The following SEL1L2 variants were observed in gnomAD, a reference collection of about 807,000 sequenced individuals.
SEL1L2 encodes the protein SEL1L2 adaptor subunit of SYVN1 ubiquitin ligase, also known as protein sel-1 homolog 2.
Under a neutral mutation model 98.8 loss-of-function variants are expected in SEL1L2, and 89 were observed. The observed-to-expected ratio is 0.90, with a 90% CI of 0.76 to 1.07. The LOEUF is 1.07. Among genes scored for constraint, SEL1L2 ranks in the 50% least tolerant of loss-of-function variants. The pLI, the probability that SEL1L2 is intolerant of heterozygous loss-of-function variation, is 0.00. For synonymous variants in SEL1L2, 262 were observed against 278.5 expected, an observed-to-expected ratio of 0.94 and a Z score of 0.59; for missense variants, 788 against 812.0, an observed-to-expected ratio of 0.97 and a Z score of 0.36.
chr20:13,900,683 A>T (rs1033683008), intron 5 of SEL1L2, among the ~76,000 whole-genome samples: 1 of 152,138 alleles, frequency 6.6e-6, no homozygotes, highest in Admixed American at 6.5e-5. Flanking sequence ...CCCTCTCTAC[A>T]CGCAATGATT....
At chr20:13,902,131 C>T (rs1323756491) in intron 5 of SEL1L2, among the ~76,000 whole-genome samples, 1 of 152,076 alleles carries the variant, frequency 6.6e-6, no homozygotes, top group Non-Finnish European at 1.5e-5. Context: ...GTGGGTGTGT[C>T]TTATGGAAAG....
chr20:13,877,655 C>G, intron 10 of SEL1L2, 67 bp from the exon 11 acceptor site: 1 of 1,298,500 alleles, frequency 7.7e-7, no homozygotes, highest in Non-Finnish European at 1.1e-6. Context: ...CTTTTTGAAC[C>G]AAACTTTATT....
rs1490638539 is a variant in SEL1L2, at chr20:13,913,779, C to T, written c.549+3G>A. 6.6e-7 allele frequency: 1 copy of T among 1,509,450 alleles called. No individual in the cohort carries two copies. Among genetic ancestry groups the T allele is most frequent in the South Asian group, 1.4e-5 (1 of 73,032 alleles). The allele number at this position is 1,509,450 out of a possible 1,614,324, so 93.5% of individuals were successfully genotyped here. ...TAAGGTTTCATTTTCCTTCAAAACT[C>T]ACGTTTTGGGCTTTACATGATCCTT... is the stretch of plus-strand genomic sequence containing the variant. On this transcript the variant is annotated splice_donor_region_variant and intron_variant, in intron 5 of 19. Transcript: ENST00000284951.
intron 10 of SEL1L2, among the ~76,000 whole-genome samples, chr20:13,884,166 G>A (rs2046836735): frequency 6.6e-6 from 1 of 152,166 alleles, no homozygotes; most frequent in South Asian, 2.1e-4. Flanking sequence ...ATGCAAAGTA[G>A]TAACAGATTA....
chr20:13,902,725 GT>G (rs2047737902), intron 5 of SEL1L2, among the ~76,000 whole-genome samples: 1 of 151,810 alleles, frequency 6.6e-6, no homozygotes, highest in Non-Finnish European at 1.5e-5. Flanking sequence ...AAAACGTCTG[GT>G]TTTTTCTTTA....
chr20:13,972,768 G>T (rs1449905063), intron 1 of SEL1L2, among the ~76,000 whole-genome samples: 1 of 152,150 alleles, frequency 6.6e-6, no homozygotes, highest in Non-Finnish European at 1.5e-5. Context: ...AGTCAAGAGG[G>T]TGCTTTTTGT....
At chr20:13,915,994 C>T (rs1220829129) in intron 4 of SEL1L2, among the ~76,000 whole-genome samples, 1 of 152,132 alleles carries the variant, frequency 6.6e-6, no homozygotes, top group Non-Finnish European at 1.5e-5. Flanking sequence ...AACTTCTTTG[C>T]TGATGGGGAG....
Position 13,877,531 on chromosome 20 carries a change from A to G in SEL1L2, c.1015T>C (p.Phe339Leu). Reference protein sequence around the residue: ...AKAGSANAMAFIGKMYLEGNA... With the variant: ...AKAGSANAMALIGKMYLEGNA... ...GATGAAGCATGTACCTTTCCTATAA[A>G]TGCCATGGCATTTGCACTCCCGGCC... The change falls in exon 11 of 20, where the codon TTT (phenylalanine) becomes CTT (leucine). Residue 339 changes from phenylalanine to leucine, a missense_variant. Transcript: ENST00000284951. 4 of 1,611,538 alleles carry G rather than the reference A, an allele frequency of 2.5e-6. No individual in the cohort carries two copies. The highest frequency in any genetic ancestry group is 3.4e-6 in the Non-Finnish European group (4 of 1,178,070).
intron 1 of SEL1L2, among the ~76,000 whole-genome samples, chr20:13,973,752 A>G (rs1464462744): frequency 6.6e-6 from 1 of 152,196 alleles, no homozygotes; most frequent in African/African-American, 2.4e-5. Context: ...TGGAGAAAAC[A>G]TGAATTTACT....
intron 2 of SEL1L2, among the ~76,000 whole-genome samples, chr20:13,933,307 A>G (rs535242885): frequency 2.0e-5 from 3 of 152,296 alleles, no homozygotes; most frequent in South Asian, 2.1e-4. Flanking sequence ...GTACAATTCA[A>G]TGGTTTTTTA....
intron 2 of SEL1L2, among the ~76,000 whole-genome samples, chr20:13,952,599 C>T (rs555643243): frequency 6.6e-6 from 1 of 152,234 alleles, no homozygotes; most frequent in African/African-American, 2.4e-5. Context: ...TCCTTCTCTC[C>T]TTCACATACC....
chr20:13,871,861 C>T (rs2046215817), intron 12 of SEL1L2, among the ~76,000 whole-genome samples: 1 of 152,094 alleles, frequency 6.6e-6, no homozygotes, highest in Non-Finnish European at 1.5e-5. Context: ...TTACAGGTTC[C>T]TAGTATTTCT....
Position 13,939,094 on chromosome 20 carries a change from A to G in SEL1L2, c.115-7323T>C, listed in dbSNP as rs150278514. 9.6e-3 allele frequency among the ~76,000 whole-genome samples: 1,212 copies of G among 125,936 alleles called. 17 individuals are homozygous for G. The highest frequency in any genetic ancestry group is 0.015 in the Admixed American group (157 of 10,512). The allele number at this position is 125,936 out of a possible 152,430, so 82.6% of individuals were successfully genotyped here. A position where few individuals can be genotyped will look rare whatever the true frequency, so the allele number is the denominator to read the frequency against. ...AGTCTCGCCCTGTCACCTGGGCTGG[A>G]GTGCAATGGCGCAATCTCAGCTCAC... On this transcript the variant is annotated intron_variant, in intron 2 of 19. Transcript: ENST00000284951.
intron 3 of SEL1L2, among the ~76,000 whole-genome samples, chr20:13,924,817 CT>C (rs1287244493): frequency 1.3e-5 from 2 of 152,020 alleles, no homozygotes; most frequent in Non-Finnish European, 2.9e-5. Flanking sequence ...ATTCTGTAGA[CT>C]TTTGCAGGTT....
intron 2 of SEL1L2, among the ~76,000 whole-genome samples, chr20:13,941,399 C>T (rs1448924863): frequency 6.6e-6 from 1 of 152,098 alleles, no homozygotes; most frequent in African/African-American, 2.4e-5. Context: ...ACTGCCTTCC[C>T]CGGGTTTCTG....
intron 2 of SEL1L2, among the ~76,000 whole-genome samples, chr20:13,946,431 A>G (rs2050011580): frequency 6.6e-6 from 1 of 152,350 alleles, no homozygotes; most frequent in South Asian, 2.1e-4. Context: ...AAACTTAGTC[A>G]AGAAGACAAA....
rs1232589703 is a variant in SEL1L2 at position 13,886,511 on chromosome 20, GA to G, written c.746-70del. The G allele has an allele frequency of 3.2e-6, 4 of 1,257,130 alleles. No individual in the cohort carries two copies. The East Asian group carries it at 9.3e-5, about 29-fold the overall frequency. The allele number at this position is 1,257,130 out of a possible 1,614,324, so 77.9% of individuals were successfully genotyped here. On this transcript the variant is annotated intron_variant, in intron 8 of 19. Coordinates refer to ENST00000284951, the MANE Select transcript of SEL1L2 (RefSeq NM_025229.2). ...TGCAAGAGATAACAGTCAATTTAGAGAAAACACCGTTAGCTTATTATCTTAA... is the reference window on the plus strand; with the variant it reads ...TGCAAGAGATAACAGTCAATTTAGAGAAACACCGTTAGCTTATTATCTTAA...
intron 2 of SEL1L2, among the ~76,000 whole-genome samples, chr20:13,954,111 T>G (rs1417483856): frequency 6.6e-6 from 1 of 152,190 alleles, no homozygotes; most frequent in Non-Finnish European, 1.5e-5. Context: ...GATGACTTTT[T>G]TTTTTGGAAG....
Position 13,965,443 on chromosome 20 carries a change from G to C in SEL1L2, c.59-9312C>G, listed in dbSNP as rs546697315. Among the ~76,000 whole-genome samples, 8 of 152,294 alleles carry C rather than the reference G, an allele frequency of 5.3e-5. No individual in the cohort carries two copies. In the South Asian group the frequency reaches 1.7e-3, roughly 32 times the overall value. ...AGATGATTTGCACTACAAGGGCCCA[G>C]AGAAAATTCTCCCAATGGGATTTTT... On this transcript the variant is annotated intron_variant, in intron 1 of 19. Transcript: ENST00000284951.
Sources: gnomAD v4.1 joint callset for allele counts (sites outside exome capture counted in the v4.1 genomes callset) on GRCh38, gnomAD v4.1.1 for gene constraint, MANE v1.5 for transcripts, NCBI Gene and HGNC (gene_info 2026-07-23, HGNC 2026-07-21) for gene names.